The following SUCLG2 variants were observed in gnomAD, a reference collection of about 807,000 sequenced individuals.
SUCLG2 encodes succinate-CoA ligase GDP-forming subunit beta.
In SUCLG2, 42 loss-of-function variants were observed where a neutral mutation model predicts 47.9. That is an observed-to-expected ratio of 0.88 (90% CI 0.69 to 1.14). The LOEUF (loss-of-function observed/expected upper bound fraction) is 1.14, where lower values mean the gene tolerates loss of function less well. SUCLG2 is among the 50% of genes most tolerant of loss of function. The pLI is 0.00. For synonymous variants in SUCLG2, 195 were observed against 197.3 expected (o/e 0.99, Z 0.10); for missense variants, 571 against 525.9 (o/e 1.09, Z -0.84).
intron 2 of SUCLG2, among the ~76,000 whole-genome samples, chr3:67,602,034 C>T (rs567662249): frequency 6.8e-4 from 103 of 151,876 alleles, no homozygotes; most frequent in African/African-American, 2.2e-3. Context: ...TACATAACTG[C>T]ATTAATGACA....
chr3:67,413,631 G>A (rs1013935820), intron 9 of SUCLG2, among the ~76,000 whole-genome samples: 3 of 152,182 alleles, frequency 2.0e-5, no homozygotes, highest in Non-Finnish European at 4.4e-5. Flanking sequence ...AAGGGAATAC[G>A]TATAGGATGG....
intron 9 of SUCLG2, among the ~76,000 whole-genome samples, chr3:67,484,578 G>A (rs1468758132): frequency 1.3e-5 from 2 of 152,122 alleles, no homozygotes; most frequent in Non-Finnish European, 2.9e-5. Context: ...TATACCTTGG[G>A]TATTTTTAAA....
At chr3:67,383,657 G>A (rs1012145222) in intron 10 of SUCLG2, among the ~76,000 whole-genome samples, 3 of 152,168 alleles carry the variant, frequency 2.0e-5, no homozygotes, top group Non-Finnish European at 2.9e-5. Context: ...AGAATGGTGT[G>A]TATGTGCTAT....
intron 10 of SUCLG2, among the ~76,000 whole-genome samples, chr3:67,400,367 A>C (rs1454848227): frequency 6.6e-6 from 1 of 152,174 alleles, no homozygotes; most frequent in Non-Finnish European, 1.5e-5. Flanking sequence ...ACATTGACAA[A>C]TATAAGCCAA....
chr3:67,536,142 G>A (rs1366707438), intron 2 of SUCLG2, among the ~76,000 whole-genome samples: 2 of 152,186 alleles, frequency 1.3e-5, no homozygotes, highest in African/African-American at 4.8e-5. Flanking sequence ...GCAACAGCCA[G>A]AACAGCTCTT....
chr3:67,390,878 T>A (rs756900630), intron 10 of SUCLG2, among the ~76,000 whole-genome samples: 4 of 152,182 alleles, frequency 2.6e-5, no homozygotes, highest in African/African-American at 9.6e-5. Context: ...TTTTTAAGAA[T>A]TCCTTTTATT....
chr3:67,610,210 C>A (rs1023226412), intron 1 of SUCLG2, among the ~76,000 whole-genome samples: 1 of 152,188 alleles, frequency 6.6e-6, no homozygotes, highest in East Asian at 1.9e-4. Context: ...TTAACAGAGT[C>A]TGGGTAGGGC....
At chr3:67,650,753 T>C (rs1701272153) in intron 1 of SUCLG2, among the ~76,000 whole-genome samples, 1 of 151,680 alleles carries the variant, frequency 6.6e-6, no homozygotes, top group Admixed American at 6.6e-5. Context: ...AGACTCTCTT[T>C]CAAAAAAAAA....
intron 9 of SUCLG2, among the ~76,000 whole-genome samples, chr3:67,452,690 T>C (rs367599799): frequency 2.0e-5 from 3 of 152,300 alleles, no homozygotes; most frequent in South Asian, 2.1e-4. Flanking sequence ...TTATTGAGCA[T>C]CTAGCAAGTA....
In SUCLG2 at chr3:67,533,596, T is replaced by C. The variant is rs1706458254; in HGVS notation, c.227-4410A>G. Among the ~76,000 whole-genome samples the C allele has an allele frequency of 2.0e-5, 3 of 152,180 alleles. No individual in the cohort carries two copies. The South Asian group carries it at 6.2e-4, about 31-fold the overall frequency. On this transcript the variant is annotated intron_variant, in intron 2 of 10. Transcript: ENST00000307227. ...GGAAGGCAAGAGAAGAGTCAAAAGGTATTGTGTAAAGATGAACTTTAATAA... is the reference window on the plus strand; with the variant it reads ...GGAAGGCAAGAGAAGAGTCAAAAGGCATTGTGTAAAGATGAACTTTAATAA...
chr3:67,390,824 G>T (rs993499648), intron 10 of SUCLG2, among the ~76,000 whole-genome samples: 8 of 152,084 alleles, frequency 5.3e-5, no homozygotes, highest in Admixed American at 5.2e-4. Flanking sequence ...GTTTTGAGTG[G>T]TTTTACAGTT....
At chr3:67,441,536 T>G (rs1203859909) in intron 9 of SUCLG2, among the ~76,000 whole-genome samples, 1 of 152,122 alleles carries the variant, frequency 6.6e-6, no homozygotes, top group African/African-American at 2.4e-5. Context: ...AACCAACAGT[T>G]TGTAACCTCA....
intron 1 of SUCLG2, among the ~76,000 whole-genome samples, chr3:67,628,513 G>T (rs80155420): frequency 0.057 from 8,743 of 152,236 alleles, 354 homozygotes; most frequent in African/African-American, 0.11. Flanking sequence ...ACTTTTTGGT[G>T]AGTGGACATG....
chr3:67,539,942 T>G (rs1040606939), intron 2 of SUCLG2, among the ~76,000 whole-genome samples: 8 of 152,106 alleles, frequency 5.3e-5, no homozygotes, highest in Non-Finnish European at 7.3e-5. Context: ...TATTTGATTC[T>G]TCTCTCTTTT....
rs149766469 is a variant in SUCLG2, at chr3:67,395,940, G to T, written c.1183+4791C>A. 2.2e-3 allele frequency among the ~76,000 whole-genome samples: 335 copies of T among 152,270 alleles called. 2 individuals are homozygous for T. In the Middle Eastern group the frequency reaches 0.037, roughly 17 times the overall value. On this transcript the variant is annotated intron_variant, in intron 10 of 10. Transcript: ENST00000307227. ...ATGACTACTGGGTACATAAGTAAATGAAGGCAGAAATAAAGATGTTTTTTG... is the reference window on the plus strand; with the variant it reads ...ATGACTACTGGGTACATAAGTAAATTAAGGCAGAAATAAAGATGTTTTTTG...
At chr3:67,486,916 C>T (rs575803871) in intron 9 of SUCLG2, among the ~76,000 whole-genome samples, 1 of 152,160 alleles carries the variant, frequency 6.6e-6, no homozygotes, top group African/African-American at 2.4e-5. Flanking sequence ...CTTGAATGAC[C>T]TTGAAAGTGC....
At chr3:67,371,030 C>G (rs1431249115), downstream of SUCLG2, among the ~76,000 whole-genome samples, 1 of 152,132 alleles carries the variant, frequency 6.6e-6, no homozygotes, top group East Asian at 1.9e-4. Flanking sequence ...AAAAAAAACT[C>G]CAAATTGAAT....
rs763756757 is a variant in SUCLG2 at position 67,476,855 on chromosome 3, TG to T, written c.1062+18942del. ...GAAGATAACAGGAAAAAATGGAAACTGGTGGATATTTTAAATCAATGGCGTC... is the reference window on the plus strand; with the variant it reads ...GAAGATAACAGGAAAAAATGGAAACTGTGGATATTTTAAATCAATGGCGTC... On this transcript the variant is annotated intron_variant, in intron 9 of 10. Transcript: ENST00000307227. Among the ~76,000 whole-genome samples the T allele has an allele frequency of 4.3e-4, 66 of 152,268 alleles. No homozygotes were observed. The Middle Eastern group carries it at 0.014, about 31-fold the overall frequency.
At chr3:67,377,507 T>C (rs878869334) in intron 10 of SUCLG2, among the ~76,000 whole-genome samples, 4 of 152,174 alleles carry the variant, frequency 2.6e-5, no homozygotes, top group Admixed American at 2.6e-4. Context: ...GAAGGGGACA[T>C]GTGACTGAGT....
Sources: allele counts gnomAD v4.1 joint callset (sites outside exome capture counted in the v4.1 genomes callset), GRCh38; gene constraint gnomAD v4.1.1; transcripts MANE v1.5; gene names NCBI Gene and HGNC (gene_info 2026-07-23, HGNC 2026-07-21).